The following SLC4A4 variants were observed in gnomAD, a reference collection of about 807,000 sequenced individuals.
The protein encoded by SLC4A4 is solute carrier family 4 member 4.
In SLC4A4, 27 loss-of-function variants were observed where a neutral mutation model predicts 111.5. The observed-to-expected ratio is 0.24, with a 90% CI of 0.18 to 0.33. The LOEUF is 0.33. SLC4A4 is among the 10% of genes least tolerant of loss of function. The pLI, the probability that SLC4A4 is intolerant of heterozygous loss-of-function variation, is 1.00. For missense variants in SLC4A4, 909 were observed against 1,315.5 expected (o/e 0.69, Z 4.78); for synonymous variants, 443 against 463.4 (o/e 0.96, Z 0.57).
chr4:71,081,454 T>G (rs1741991044), intron 1 of SLC4A4, among the ~76,000 whole-genome samples: 1 of 152,152 alleles, frequency 6.6e-6, no homozygotes, highest in Non-Finnish European at 1.5e-5. Flanking sequence ...GCTGTGCTGG[T>G]GCTGGTACTC....
intron 9 of SLC4A4, 131 bp from the exon 10 acceptor site, chr4:71,450,258 G>C (rs1178812117): frequency 1.4e-6 from 1 of 726,518 alleles, no homozygotes; most frequent in African/African-American, 1.7e-5. Flanking sequence ...TGAATAATAG[G>C]GACTATCAGA....
intron 2 of SLC4A4, among the ~76,000 whole-genome samples, chr4:71,127,397 G>A (rs1410885738): frequency 6.6e-6 from 1 of 152,120 alleles, no homozygotes; most frequent in African/African-American, 2.4e-5. Context: ...GAACATTGCT[G>A]AACTTAAATT....
chr4:71,068,256 G>A (rs1223314886), intron 1 of SLC4A4, among the ~76,000 whole-genome samples: 1 of 151,814 alleles, frequency 6.6e-6, no homozygotes, highest in African/African-American at 2.4e-5. Context: ...GTAGAGACGG[G>A]GTTTCACCAT....
intron 6 of SLC4A4, among the ~76,000 whole-genome samples, chr4:71,383,224 C>T (rs1264815114): frequency 6.6e-6 from 1 of 152,122 alleles, no homozygotes; most frequent in Non-Finnish European, 1.5e-5. Flanking sequence ...CTCAAGAGAA[C>T]ATTAGAAATT....
At chr4:71,312,546 A>G (rs535695974) in intron 3 of SLC4A4, among the ~76,000 whole-genome samples, 10 of 152,246 alleles carry the variant, frequency 6.6e-5, no homozygotes, top group Non-Finnish European at 1.0e-4. Flanking sequence ...AAACCAAATC[A>G]AGCAGCACAT....
rs942451594 is a variant in SLC4A4, at chr4:71,338,989, A to G, written c.254-381A>G. Reference sequence around the variant, plus strand: ...ACTTTGTTGTCCCTCCCACTGCTGTATGAAAAAGTGACTGGTTCAAGCTGG... The same window carrying G: ...ACTTTGTTGTCCCTCCCACTGCTGTGTGAAAAAGTGACTGGTTCAAGCTGG... On this transcript the variant is annotated intron_variant, in intron 3 of 25. Coordinates refer to ENST00000264485, the MANE Select transcript of SLC4A4 (RefSeq NM_001098484.3). 2.4e-6 allele frequency: 3 copies of G among 1,267,288 alleles called. No homozygotes were observed. The African/African-American group carries it at 4.5e-5, about 19-fold the overall frequency. The allele number at this position is 1,267,288 out of a possible 1,614,324, so 78.5% of individuals were successfully genotyped here. A position where few individuals can be genotyped will look rare whatever the true frequency, so the allele number is the denominator to read the frequency against.
At chr4:71,065,222 T>C (rs1306619517) in intron 1 of SLC4A4, among the ~76,000 whole-genome samples, 1 of 152,212 alleles carries the variant, frequency 6.6e-6, no homozygotes, top group East Asian at 1.9e-4. Flanking sequence ...TATTTATTGT[T>C]CAACCATTCA....
At chr4:71,262,501 A>G (rs1721934366) in intron 3 of SLC4A4, among the ~76,000 whole-genome samples, 1 of 152,186 alleles carries the variant, frequency 6.6e-6, no homozygotes, top group Admixed American at 6.5e-5. Context: ...ATATAGAATC[A>G]AGATCCAAGT....
At chr4:71,287,927 A>G (rs1415565219) in intron 3 of SLC4A4, among the ~76,000 whole-genome samples, 1 of 152,092 alleles carries the variant, frequency 6.6e-6, no homozygotes, top group Non-Finnish European at 1.5e-5. Context: ...AGCTTTTCTC[A>G]TGACTTTATA....
intron 2 of SLC4A4, among the ~76,000 whole-genome samples, chr4:71,146,273 A>T (rs1238851282): frequency 1.3e-5 from 2 of 152,158 alleles, no homozygotes; most frequent in African/African-American, 4.8e-5. Context: ...TGAGTTTCTT[A>T]ATTCTGAGTT....
intron 1 of SLC4A4, among the ~76,000 whole-genome samples, chr4:71,090,328 G>T (rs1283948420): frequency 6.6e-6 from 1 of 152,128 alleles, no homozygotes; most frequent in Non-Finnish European, 1.5e-5. Flanking sequence ...GGAATTCCCT[G>T]ACCCCTTGTG....
At chr4:71,295,539 C>G (rs929578972) in intron 3 of SLC4A4, among the ~76,000 whole-genome samples, 17 of 152,132 alleles carry the variant, frequency 1.1e-4, no homozygotes, top group Non-Finnish European at 2.5e-4. Context: ...TCTCTCCTGC[C>G]TTTTCATTTT....
chr4:71,362,467 T>A (rs1169082639), intron 6 of SLC4A4, among the ~76,000 whole-genome samples: 1 of 152,240 alleles, frequency 6.6e-6, no homozygotes, highest in East Asian at 1.9e-4. Context: ...CAAATGTTAG[T>A]AAATTTTATA....
At chr4:71,069,174 A>G (rs1741606026) in intron 1 of SLC4A4, among the ~76,000 whole-genome samples, 1 of 152,206 alleles carries the variant, frequency 6.6e-6, no homozygotes, top group African/African-American at 2.4e-5. Context: ...TCACCTCTCC[A>G]GATTCCCTTA....
intron 6 of SLC4A4, among the ~76,000 whole-genome samples, chr4:71,358,861 C>T (rs1013493686): frequency 6.6e-6 from 1 of 152,098 alleles, no homozygotes; most frequent in African/African-American, 2.4e-5. Context: ...TGAAGCTACT[C>T]TTTTATTTCT....
At chr4:71,356,934 ATAAAGT>A in intron 5 of SLC4A4, 68 bp from the exon 6 acceptor site, 1 of 1,387,410 alleles carries the variant, frequency 7.2e-7, no homozygotes, top group South Asian at 1.2e-5. Flanking sequence ...GGTGACATCC[ATAAAGT>A]TAGAGTAAAA....
At chr4:71,372,507 G>T (rs1440901021) in intron 6 of SLC4A4, among the ~76,000 whole-genome samples, 1 of 152,150 alleles carries the variant, frequency 6.6e-6, no homozygotes, top group Non-Finnish European at 1.5e-5. Flanking sequence ...CACTCTTAGC[G>T]CTTATCTGTG....
chr4:71,361,491 A>C (rs1490157363), intron 6 of SLC4A4, among the ~76,000 whole-genome samples: 1 of 152,254 alleles, frequency 6.6e-6, no homozygotes, highest in Non-Finnish European at 1.5e-5. Context: ...CATGCCTGCC[A>C]GGTACTAAAT....
chr4:71,306,714 A>T (rs888720616), intron 3 of SLC4A4, among the ~76,000 whole-genome samples: 1 of 152,230 alleles, frequency 6.6e-6, no homozygotes, highest in East Asian at 1.9e-4. Flanking sequence ...TTTATTTTTC[A>T]TTTTGATACA....
Sources: allele counts gnomAD v4.1 joint callset (sites outside exome capture counted in the v4.1 genomes callset), GRCh38; gene constraint gnomAD v4.1.1; transcripts MANE v1.5; gene names NCBI Gene and HGNC (gene_info 2026-07-23, HGNC 2026-07-21).